Variants in PRKG1 observed in about 807,000 individuals in gnomAD.
PRKG1 encodes the protein cGMP-dependent protein kinase 1.
In PRKG1, 35 loss-of-function variants were observed where a neutral mutation model predicts 88.1. That is an observed-to-expected ratio of 0.40 (90% CI 0.30 to 0.53). The LOEUF is 0.53. PRKG1 is among the 20% of genes least tolerant of loss of function. The pLI is 0.59. For synonymous variants in PRKG1, 303 were observed against 292.5 expected, an observed-to-expected ratio of 1.04 and a Z score of -0.37; for missense variants, 540 against 839.8, an observed-to-expected ratio of 0.64 and a Z score of 4.41.
intron 1 of PRKG1, among the ~76,000 whole-genome samples, chr10:51,043,775 T>A (rs1353804396): frequency 7.2e-5 from 11 of 152,160 alleles, no homozygotes; most frequent in Admixed American, 5.9e-4. Context: ...TATTTTGGTG[T>A]ATGAGTGAGT....
At chr10:51,226,522 A>G (rs1303181185) in intron 2 of PRKG1, among the ~76,000 whole-genome samples, 1 of 152,180 alleles carries the variant, frequency 6.6e-6, no homozygotes, top group Non-Finnish European at 1.5e-5. Context: ...GGCTGTTTGA[A>G]TAATCAACTG....
chr10:51,885,446 A>G (rs1476185093), intron 4 of PRKG1, among the ~76,000 whole-genome samples: 1 of 152,248 alleles, frequency 6.6e-6, no homozygotes, highest in African/African-American at 2.4e-5. Flanking sequence ...CTTTTTAATA[A>G]ATTATCTGGG....
At chr10:51,606,883 T>C (rs1465323123) in intron 3 of PRKG1, among the ~76,000 whole-genome samples, 1 of 152,088 alleles carries the variant, frequency 6.6e-6, no homozygotes, top group East Asian at 1.9e-4. Flanking sequence ...AACTGCAAAT[T>C]GGTAGGAAGT....
At chr10:52,291,174 C>T (rs1034464824) in intron 17 of PRKG1, among the ~76,000 whole-genome samples, 4 of 151,886 alleles carry the variant, frequency 2.6e-5, no homozygotes, top group East Asian at 1.9e-4. Flanking sequence ...CCTCCCACCT[C>T]GGCCTCCCAA....
rs553338065 is a variant in PRKG1, at chr10:51,225,534, G to A, written c.478+72204G>A. Among the ~76,000 whole-genome samples the A allele has an allele frequency of 4.6e-5, 7 of 152,240 alleles. No individual in the cohort carries two copies. The South Asian group carries it at 1.2e-3, about 27-fold the overall frequency. On this transcript the variant is annotated intron_variant, in intron 2 of 17. Transcript: ENST00000373980. ...ATATGCTTCATTTCCTCAAAACAAA[G>A]GGAAGCATATTTTAGCTTATTTTCC...
At chr10:51,971,078 CA>C (rs1418118824) in intron 5 of PRKG1, among the ~76,000 whole-genome samples, 1 of 148,184 alleles carries the variant, frequency 6.7e-6, no homozygotes, top group East Asian at 2.2e-4. Flanking sequence ...TGATTCTAAA[CA>C]AAAGAAGAAC....
At chr10:51,019,123 C>G (rs776557471) in intron 1 of PRKG1, among the ~76,000 whole-genome samples, 1 of 152,198 alleles carries the variant, frequency 6.6e-6, no homozygotes, top group Non-Finnish European at 1.5e-5. Context: ...TGCCCACTTA[C>G]AGCTACTATT....
intron 2 of PRKG1, among the ~76,000 whole-genome samples, chr10:51,384,095 GA>G (rs143031481): frequency 1.5e-4 from 22 of 149,634 alleles, no homozygotes; most frequent in East Asian, 3.9e-4. Flanking sequence ...AATTCTCTTT[GA>G]AAAAAAAAAT....
chr10:51,757,636 T>C (rs755306020), intron 3 of PRKG1, among the ~76,000 whole-genome samples: 1 of 152,076 alleles, frequency 6.6e-6, no homozygotes, highest in Non-Finnish European at 1.5e-5. Flanking sequence ...ACTTGAAATG[T>C]GACTAGTCTG....
At chr10:51,213,627 G>A (rs1020975783) in intron 2 of PRKG1, among the ~76,000 whole-genome samples, 6 of 152,154 alleles carry the variant, frequency 3.9e-5, no homozygotes, top group Non-Finnish European at 8.8e-5. Context: ...GCCTGGTGAA[G>A]TCATTGTTGT....
At chr10:52,126,418 C>G (rs1589629639) in intron 7 of PRKG1, among the ~76,000 whole-genome samples, 1 of 152,080 alleles carries the variant, frequency 6.6e-6, no homozygotes, top group East Asian at 1.9e-4. Context: ...GGCTATTCAC[C>G]AAGATGTTAA....
chr10:51,061,060 G>GGTGTGTGTGTGTGTGTGTGTGTGTGT (rs71029344), intron 1 of PRKG1, among the ~76,000 whole-genome samples: 17 of 147,040 alleles, frequency 1.2e-4, no homozygotes, highest in South Asian at 4.3e-4. Flanking sequence ...TATACCTAGG[G>GGTGTGTGTGTGTGTGTGTGTGTGTGT]GTGTGTGTGT....
chr10:51,756,189 T>C (rs980968831), intron 3 of PRKG1, among the ~76,000 whole-genome samples: 2 of 152,148 alleles, frequency 1.3e-5, no homozygotes, highest in Non-Finnish European at 2.9e-5. Flanking sequence ...ATAATTGTAA[T>C]AAGTCAGTAG....
rs866215967 is a variant in PRKG1 at position 51,861,276 on chromosome 10, A to G, written c.699-46231A>G. 4.6e-5 allele frequency among the ~76,000 whole-genome samples: 7 copies of G among 152,122 alleles called. No individual in the cohort carries two copies. The South Asian group carries it at 1.4e-3, about 31-fold the overall frequency. On this transcript the variant is annotated intron_variant, in intron 4 of 17. Transcript: ENST00000373980. ...CAGTAAGGGTAGAAAAATAGAATTT[A>G]TGTAATAACAACATTTGTCAACTTG... is the stretch of plus-strand genomic sequence containing the variant.
intron 3 of PRKG1, among the ~76,000 whole-genome samples, chr10:51,718,981 CA>C (rs981041765): frequency 2.0e-5 from 3 of 151,998 alleles, no homozygotes; most frequent in Admixed American, 6.6e-5. Context: ...ACTATCTCTA[CA>C]AAAAATTTTA....
At chr10:51,243,356 C>T (rs1442223968) in intron 2 of PRKG1, among the ~76,000 whole-genome samples, 2 of 152,184 alleles carry the variant, frequency 1.3e-5, no homozygotes, top group Admixed American at 1.3e-4. Context: ...GGGAAAAGCT[C>T]AGTCCCTGGA....
chr10:52,068,549 T>C (rs1846417292), intron 7 of PRKG1, among the ~76,000 whole-genome samples: 1 of 152,154 alleles, frequency 6.6e-6, no homozygotes, highest in African/African-American at 2.4e-5. Context: ...ATCTAACTAC[T>C]TGGGTTATTG....
intron 2 of PRKG1, among the ~76,000 whole-genome samples, chr10:51,331,784 G>A (rs1180111995): frequency 6.6e-6 from 1 of 152,074 alleles, no homozygotes; most frequent in Non-Finnish European, 1.5e-5. Context: ...ATCTTTCTCT[G>A]CCCCCTAATC....
intron 1 of PRKG1, among the ~76,000 whole-genome samples, chr10:51,106,187 A>T (rs909038203): frequency 3.9e-5 from 6 of 152,198 alleles, no homozygotes; most frequent in African/African-American, 1.4e-4. Flanking sequence ...TCCTTAATGT[A>T]AAATAGCAAC....
Sources: allele counts gnomAD v4.1 joint callset (sites outside exome capture counted in the v4.1 genomes callset), GRCh38; gene constraint gnomAD v4.1.1; transcripts MANE v1.5; gene names NCBI Gene and HGNC (gene_info 2026-07-23, HGNC 2026-07-21).